The following FLVCR1 variants were observed in gnomAD, a reference collection of about 807,000 sequenced individuals.
The protein encoded by FLVCR1 is FLVCR choline and heme transporter 1.
FLVCR1 carries 34 observed loss-of-function variants against 53.6 expected under a neutral mutation model. The observed-to-expected ratio is 0.63, with a 90% CI of 0.48 to 0.84. The LOEUF is 0.84. Among genes scored for constraint, FLVCR1 ranks in the 40% least tolerant of loss-of-function variants. The pLI is 0.00. For missense variants in FLVCR1, 677 were observed against 696.7 expected, an observed-to-expected ratio of 0.97 and a Z score of 0.32; for synonymous variants, 300 against 286.3, an observed-to-expected ratio of 1.05 and a Z score of -0.48.
At chr1:212,881,527 C>T (rs1172286079) in intron 3 of FLVCR1, among the ~76,000 whole-genome samples, 5 of 151,794 alleles carry the variant, frequency 3.3e-5, no homozygotes, top group African/African-American at 1.2e-4. Context: ...TTAGTAGAGA[C>T]GGGGTTTCAC....
rs1664087957 is a variant in FLVCR1, at chr1:212,858,411, G to T, written c.-42G>T. ...TGTGGGCCGGGAGAGCGGAGTCGGG[G>T]AGTGGGGCGGGGGAGCGAGGTGGCG... On this transcript the variant is annotated 5_prime_UTR_variant, in exon 1 of 10. Transcript: ENST00000366971. The T allele has an allele frequency of 4.1e-5, 58 of 1,420,668 alleles. No individual in the cohort carries two copies. The highest frequency in any genetic ancestry group is 5.3e-5 in the Non-Finnish European group (58 of 1,088,680). The allele number at this position is 1,420,668 out of a possible 1,614,324, so 88.0% of individuals were successfully genotyped here.
chr1:212,886,042 CT>C (rs5780703), intron 5 of FLVCR1, among the ~76,000 whole-genome samples: 47 of 121,104 alleles, frequency 3.9e-4, no homozygotes, highest in Non-Finnish European at 4.5e-4. Context: ...TTATCTTGTT[CT>C]TTTTTTTTTT....
At position 212,895,374 on chromosome 1, in the gene FLVCR1, T is replaced by A. The variant is rs1665306842; in HGVS notation, c.*84T>A. Reference sequence around the variant, plus strand: ...AGAGATGTGAGCACCAAGGCTGGGTTTGTATGTGGTGGGGGAATAAACACA... The same window carrying A: ...AGAGATGTGAGCACCAAGGCTGGGTATGTATGTGGTGGGGGAATAAACACA... On this transcript the variant is annotated 3_prime_UTR_variant, in exon 10 of 10. Transcript: ENST00000366971. The A allele has an allele frequency of 1.0e-6, 1 of 965,506 alleles. No individual in the cohort carries two copies. The highest frequency in any genetic ancestry group is 1.7e-6 in the Non-Finnish European group (1 of 592,296). The allele number at this position is 965,506 out of a possible 1,614,324, so 59.8% of individuals were successfully genotyped here.
chr1:212,890,575 C>G (rs1456269861), intron 8 of FLVCR1, among the ~76,000 whole-genome samples: 1 of 152,118 alleles, frequency 6.6e-6, no homozygotes, highest in Non-Finnish European at 1.5e-5. Context: ...ACAGGTTGAA[C>G]AAGCTTATAC....
chr1:212,865,983 T>TTTTTTTTG (rs1664410095), intron 2 of FLVCR1, among the ~76,000 whole-genome samples: 5 of 73,846 alleles, frequency 6.8e-5, no homozygotes, highest in Non-Finnish European at 1.7e-4. Context: ...GGGGTTTGGT[T>TTTTTTTTG]TTTTTTTTTT....
chr1:212,884,019 A>G (rs1257972314), intron 4 of FLVCR1, among the ~76,000 whole-genome samples: 2 of 152,176 alleles, frequency 1.3e-5, no homozygotes, highest in Non-Finnish European at 2.9e-5. Flanking sequence ...TATAAAGCAC[A>G]TAGTATGGCC....
rs1485116695 is a variant in FLVCR1, at chr1:212,858,800, G to T, written c.348G>T (p.Leu116=). The T allele has an allele frequency of 4.3e-6, 7 of 1,614,104 alleles. No homozygotes were observed. In the East Asian group the frequency reaches 1.3e-4, roughly 31 times the overall value. ...RRFVVLLIFS[L]YSLVNAFQWI... is the part of the protein sequence containing the mutation. The stretch of plus-strand genomic sequence containing the variant: ...TCGTGGTGCTCCTGATCTTCAGCCT[G>T]TACTCGCTGGTCAACGCCTTTCAGT... The change falls in exon 1 of 10, where the codon CTG becomes CTT. Residue 116 remains leucine (L), a synonymous_variant. Transcript: ENST00000366971.
chr1:212,878,533 CAAAAA>C (rs58243050), intron 3 of FLVCR1, among the ~76,000 whole-genome samples: 52,034 of 112,420 alleles, frequency 0.46, 10,476 homozygotes, highest in East Asian at 0.55. Context: ...GTCTCCGTCT[CAAAAA>C]AAAAAAAAAA....
At chr1:212,887,755 G>A in intron 5 of FLVCR1, 136 bp from the exon 6 acceptor site, 1 of 602,560 alleles carries the variant, frequency 1.7e-6, no homozygotes, top group South Asian at 1.9e-5. Flanking sequence ...GTGCTTTGGT[G>A]GATACATATT....
chr1:212,895,160 TTATAA>T, intron 9 of FLVCR1, 51 bp from the exon 10 acceptor site: 1 of 1,438,378 alleles, frequency 7.0e-7, no homozygotes. Flanking sequence ...TGTTGATCTG[TTATAA>T]TAGGATATGC....
Position 212,889,201 on chromosome 1 carries a change from C to T in FLVCR1, c.1469C>T (p.Pro490Leu). The T allele has an allele frequency of 6.2e-7, 1 of 1,613,768 alleles. No homozygotes were observed. The highest frequency in any genetic ancestry group is 1.1e-5 in the South Asian group (1 of 91,052). The change falls in exon 8 of 10, where the codon CCT becomes CTT. Residue 490 changes from proline to leucine, a missense_variant. Pro to Leu is a moderately conservative substitution (Grantham distance 98, BLOSUM62 -3). Coordinates refer to ENST00000366971, the MANE Select transcript of FLVCR1 (RefSeq NM_014053.4). Reference protein sequence around the residue: ...AQGKLTSDYGPKAGNIFLCVW... With the variant: ...AQGKLTSDYGLKAGNIFLCVW... ...GGAAAGCTCACATCAGACTATGGTC[C>T]TAAGGCAGGGAACATTTTTCTCTGT...
At chr1:212,880,242 G>A (rs1157483190) in intron 3 of FLVCR1, among the ~76,000 whole-genome samples, 1 of 152,098 alleles carries the variant, frequency 6.6e-6, no homozygotes, top group Admixed American at 6.6e-5. Context: ...CGAGCTATAG[G>A]TCTCATCCTT....
In FLVCR1 at chr1:212,858,984, C is replaced by G; in HGVS notation, c.532C>G (p.Leu178Val). 6.2e-7 allele frequency: 1 copy of G among 1,613,862 alleles called. No homozygotes were observed. The part of the protein sequence containing the change: ...LDTRGLRLTA[L>V]LGSGLNCLGA... ...CACCAGAGGCCTGCGGCTCACCGCC[C>G]TGCTGGGCTCCGGCCTCAACTGCCT... Residue 178 changes from leucine to valine, a missense_variant, in exon 1 of 10, where the codon CTG becomes GTG. Transcript: ENST00000366971.
rs567597626 is a variant in FLVCR1 at position 212,897,905 on chromosome 1, C to G, written c.*2615C>G. 1 of 152,254 alleles carries G rather than the reference C, an allele frequency of 6.6e-6. No homozygotes were observed. The highest frequency in any genetic ancestry group is 1.9e-4 in the East Asian group (1 of 5,186). 9.4% of individuals were successfully genotyped at this position (152,254 alleles called of 1,614,324 possible). ...GGACAAGTATCCCAACTATATCAGG[C>G]AGAATATATGCATTGATATATATTG... On this transcript the variant is annotated 3_prime_UTR_variant, in exon 10 of 10. Coordinates refer to ENST00000366971, the MANE Select transcript of FLVCR1 (RefSeq NM_014053.4).
At position 212,885,327 on chromosome 1, in the gene FLVCR1, C is replaced by T. The variant is rs1171845254; in HGVS notation, c.1127C>T (p.Thr376Met). The T allele has an allele frequency of 4.3e-6, 7 of 1,613,966 alleles. No homozygotes were observed. The highest frequency in any genetic ancestry group is 1.7e-5 in the Admixed American group (1 of 60,002). ...EEVNAGRIGL[T>M]LVVAGMVGSI... ...GTCAATGCTGGAAGGATTGGGCTAA[C>T]GCTAGTAGTAGCTGGAATGGTGGGC... Residue 376 changes from threonine to methionine, a missense_variant, in exon 5 of 10, where the codon ACG becomes ATG. By Grantham distance (81) the Thr-to-Met change is moderately conservative. Transcript: ENST00000366971.
intron 3 of FLVCR1, among the ~76,000 whole-genome samples, chr1:212,878,442 C>T (rs1290806535): frequency 4.7e-5 from 7 of 150,012 alleles, no homozygotes; most frequent in African/African-American, 1.7e-4. Flanking sequence ...GTCCGCCTCT[C>T]AGTGAGAGGC....
In FLVCR1 at chr1:212,858,424, G is replaced by A. The variant is rs1438557981; in HGVS notation, c.-29G>A. On this transcript the variant is annotated 5_prime_UTR_variant, in exon 1 of 10. Coordinates refer to ENST00000366971, the MANE Select transcript of FLVCR1 (RefSeq NM_014053.4). ...AGCGGAGTCGGGGAGTGGGGCGGGGGAGCGAGGTGGCGCCGGGGAGCCTGG... is the reference window on the plus strand; with the variant it reads ...AGCGGAGTCGGGGAGTGGGGCGGGGAAGCGAGGTGGCGCCGGGGAGCCTGG... The A allele has an allele frequency of 3.5e-6, 5 of 1,429,866 alleles. No homozygotes were observed. Among genetic ancestry groups the A allele is most frequent in the Non-Finnish European group, 4.6e-6 (5 of 1,096,296 alleles). 88.6% of individuals were successfully genotyped at this position (1,429,866 alleles called of 1,614,324 possible).
At chr1:212,867,586 TC>T (rs1664473654) in intron 2 of FLVCR1, among the ~76,000 whole-genome samples, 1 of 152,222 alleles carries the variant, frequency 6.6e-6, no homozygotes, top group Non-Finnish European at 1.5e-5. Context: ...TATTTTTTGT[TC>T]GAATTCAGAT....
chr1:212,878,195 C>T (rs977391972), intron 3 of FLVCR1, among the ~76,000 whole-genome samples: 2 of 151,992 alleles, frequency 1.3e-5, no homozygotes, highest in Non-Finnish European at 2.9e-5. Flanking sequence ...TTAGTGATCA[C>T]CCATCTATTA....
Sources: allele counts gnomAD v4.1 joint callset (sites outside exome capture counted in the v4.1 genomes callset), GRCh38; gene constraint gnomAD v4.1.1; transcripts MANE v1.5; gene names NCBI Gene and HGNC (gene_info 2026-07-23, HGNC 2026-07-21).